Variants in PRDM8 observed in about 807,000 individuals in gnomAD.
The protein encoded by PRDM8 is PR/SET domain 8.
Under a neutral mutation model 46.5 loss-of-function variants are expected in PRDM8, and 13 were observed. The ratio of observed to expected loss-of-function variants is 0.28; its 90% confidence interval spans 0.18 to 0.44. The LOEUF (loss-of-function observed/expected upper bound fraction) is 0.44. Ranked by LOEUF, PRDM8 falls within the 20% of genes least tolerant of loss-of-function variation. PRDM8 has a pLI of 1.00. For missense variants in PRDM8, 998 were observed against 955.0 expected, an observed-to-expected ratio of 1.04 and a Z score of -0.59; for synonymous variants, 473 against 438.4, an observed-to-expected ratio of 1.08 and a Z score of -0.98.
In PRDM8 at chr4:80,201,401, C is replaced by G. The variant is rs751697258; in HGVS notation, c.331C>G (p.Gln111Glu). The G allele has an allele frequency of 3.7e-6, 6 of 1,614,226 alleles. No homozygotes were observed. Among genetic ancestry groups the G allele is most frequent in the South Asian group, 2.2e-5 (2 of 91,086 alleles). ...QNLEAYIKNG[Q>E]LFYRSLRRIA... ...CCTTGAAGCCTACATAAAAAACGGACAGCTGTTCTACCGCTCTCTCCGCAG... is the reference window on the plus strand; with the variant it reads ...CCTTGAAGCCTACATAAAAAACGGAGAGCTGTTCTACCGCTCTCTCCGCAG... The change falls in exon 3 of 4, where the codon CAG becomes GAG. Residue 111 changes from glutamine (Q) to glutamate (E), a missense_variant. By Grantham distance (29) the Gln-to-Glu change is conservative. Transcript: ENST00000415738.
At chr4:80,193,972 A>C (rs1331133951), upstream of PRDM8, 1 of 152,192 alleles carries the variant, frequency 6.6e-6, no homozygotes, top group African/African-American at 2.4e-5. Context: ...ATTCTTGGAG[A>C]TGTTACCTGC....
At chr4:80,200,380 T>C (rs1738350661) in intron 2 of PRDM8, 81 bp downstream of exon 2, 1 of 1,284,716 alleles carries the variant, frequency 7.8e-7, no homozygotes, top group Non-Finnish European at 1.1e-6. Flanking sequence ...TAATGACAAG[T>C]GGAGATAGGT....
upstream of PRDM8, chr4:80,196,550 T>G: frequency 1.0e-6 from 1 of 985,330 alleles, no homozygotes; most frequent in Non-Finnish European, 1.2e-6. Context: ...GGCAACTCCA[T>G]CCCCTCCTCC....
In PRDM8 at chr4:80,202,464, C is replaced by T. The variant is rs1404697265; in HGVS notation, c.1002C>T (p.Gly334=). 1 of 1,400,392 alleles carries T rather than the reference C, an allele frequency of 7.1e-7. No homozygotes were observed. The highest frequency in any genetic ancestry group is 1.2e-5 in the South Asian group (1 of 81,064). 86.7% of individuals were successfully genotyped at this position (1,400,392 alleles called of 1,614,324 possible). Reference sequence around the variant, plus strand: ...GCGCTGGTCTGGTAGGGGGCCGGGGCCGCTTCGTAGAGCGGCCCCTCCCGG... The same window carrying T: ...GCGCTGGTCTGGTAGGGGGCCGGGGTCGCTTCGTAGAGCGGCCCCTCCCGG... ...GGGAGLVGGR[G]RFVERPLPAS... is the part of the protein sequence containing the mutation. The change falls in exon 4 of 4, where the codon GGC becomes GGT. Residue 334 remains glycine, a synonymous_variant. Transcript: ENST00000415738.
chr4:80,203,008 C>T lies in PRDM8; in HGVS notation c.1546C>T (p.Leu516=), dbSNP rs1222435611. 6.5e-6 allele frequency: 10 copies of T among 1,526,792 alleles called. No individual in the cohort carries two copies. Among genetic ancestry groups the T allele is most frequent in the South Asian group, 1.2e-5 (1 of 83,254 alleles). The allele number at this position is 1,526,792 out of a possible 1,614,324, so 94.6% of individuals were successfully genotyped here. ...RSFSQLSPLV[L]GQKLGALEPC... ...TTTCTCGCAGCTGTCCCCGCTGGTG[C>T]TGGGCCAGAAGCTGGGCGCGCTCGA... The change falls in exon 4 of 4, where the codon CTG becomes TTG. Residue 516 remains leucine, a synonymous_variant. Coordinates refer to ENST00000415738, the MANE Select transcript of PRDM8 (RefSeq NM_001099403.2).
At chr4:80,186,430 G>GGAGAGAGAGA (rs70944766) in intron 1 of PRDM8, among the ~76,000 whole-genome samples, 1,316 of 129,964 alleles carry the variant, frequency 0.01, 39 homozygotes, top group Middle Eastern at 0.024. Flanking sequence ...AAGGCAGGGT[G>GGAGAGAGAGA]GAGAGAGAGA....
chr4:80,201,906 C>T lies in PRDM8; in HGVS notation c.452-8C>T. 6.2e-7 allele frequency: 1 copy of T among 1,613,636 alleles called. No individual in the cohort carries two copies. The highest frequency in any genetic ancestry group is 1.1e-5 in the South Asian group (1 of 91,056). On this transcript the variant is annotated splice_polypyrimidine_tract_variant and splice_region_variant and intron_variant, in intron 3 of 3. Coordinates refer to ENST00000415738, the MANE Select transcript of PRDM8 (RefSeq NM_001099403.2). ...CGTGCGTGTGTGTGGTGTTTGCTCA[C>T]TAAGCAGGGTCGTCCCCTTACACAT...
chr4:80,187,104 G>C (rs1363981505), intron 1 of PRDM8, among the ~76,000 whole-genome samples: 1 of 152,136 alleles, frequency 6.6e-6, no homozygotes, highest in Non-Finnish European at 1.5e-5. Context: ...TGTCTCCTTT[G>C]CCCCCAGGGT....
At chr4:80,193,811 T>A (rs1737735136), upstream of PRDM8, among the ~76,000 whole-genome samples, 2 of 152,188 alleles carry the variant, frequency 1.3e-5, no homozygotes, top group South Asian at 4.1e-4. Flanking sequence ...CCTTTCACCA[T>A]GAATTGCCAT....
At chr4:80,189,435 A>C (rs1737376621) in intron 1 of PRDM8, among the ~76,000 whole-genome samples, 1 of 151,494 alleles carries the variant, frequency 6.6e-6, no homozygotes, top group African/African-American at 2.4e-5. Flanking sequence ...TGGGGGTGGG[A>C]GGTGCGCGGT....
Position 80,200,086 on chromosome 4 carries a change from G to A in PRDM8, c.6G>A (p.Glu2=). 1.2e-6 allele frequency: 2 copies of A among 1,612,562 alleles called. No individual in the cohort carries two copies. Among genetic ancestry groups the A allele is most frequent in the Non-Finnish European group, 1.7e-6 (2 of 1,178,830 alleles). ...CTGTGTGTCTATCTCCAGTGATGGA[G>A]GATACTGGCATCCAGCGAGGCATCT... M[E]DTGIQRGIWD... Residue 2 remains glutamate (E), a synonymous_variant, in exon 2 of 4, where the codon GAG becomes GAA. Transcript: ENST00000415738.
chr4:80,201,878 G>A (rs766681984), intron 3 of PRDM8, 36 bp from the exon 4 acceptor site: 3 of 1,581,790 alleles, frequency 1.9e-6, no homozygotes. Flanking sequence ...GTGTGTGTGC[G>A]TGCGTGCGTG....
At chr4:80,196,884 T>C, upstream of PRDM8, 1 of 981,712 alleles carries the variant, frequency 1.0e-6, no homozygotes, top group Non-Finnish European at 1.2e-6. Flanking sequence ...GGTGACATTC[T>C]CACTCCAACC....
intron 1 of PRDM8, among the ~76,000 whole-genome samples, chr4:80,198,759 G>A (rs1250260268): frequency 2.0e-5 from 3 of 152,062 alleles, no homozygotes; most frequent in Non-Finnish European, 4.4e-5. Flanking sequence ...AATAAAAATA[G>A]ATGTCACTGA....
Position 80,202,883 on chromosome 4 carries a change from G to A in PRDM8, c.1421G>A (p.Gly474Asp). The change falls in exon 4 of 4, where the codon GGT becomes GAT. Residue 474 changes from glycine (G) to aspartate (D), a missense_variant. Physicochemically the swap from Gly to Asp is moderately conservative, Grantham distance 94 (BLOSUM62 -1). Coordinates refer to ENST00000415738, the MANE Select transcript of PRDM8 (RefSeq NM_001099403.2). ...CTGGGCAGCGCGGGCAGCACCAGCG[G>A]TGGGGGCGGAACGGGCGCCGGGGCC... ...PQLGSAGSTS[G>D]GGGTGAGAAG... 7.7e-7 allele frequency: 1 copy of A among 1,290,828 alleles called. No homozygotes were observed. The highest frequency in any genetic ancestry group is 9.7e-7 in the Non-Finnish European group (1 of 1,028,204). The allele number at this position is 1,290,828 out of a possible 1,614,324, so 80.0% of individuals were successfully genotyped here.
Position 80,203,047 on chromosome 4 carries a change from G to C in PRDM8, c.1585G>C (p.Ala529Pro), listed in dbSNP as rs1254406151. The C allele has an allele frequency of 6.4e-7, 1 of 1,555,336 alleles. No homozygotes were observed. Among genetic ancestry groups the C allele is most frequent in the East Asian group, 2.4e-5 (1 of 41,140 alleles). ...KLGALEPCHP[A>P]DGVGPTRLYP... The stretch of plus-strand genomic sequence containing the variant: ...GGGCGCGCTCGAGCCATGCCACCCC[G>C]CCGACGGCGTGGGCCCCACCAGACT... The change falls in exon 4 of 4, where the codon GCC (alanine) becomes CCC (proline). Residue 529 changes from alanine to proline, a missense_variant. Coordinates refer to ENST00000415738, the MANE Select transcript of PRDM8 (RefSeq NM_001099403.2).
At chr4:80,186,348 T>A (rs1737073641) in intron 1 of PRDM8, among the ~76,000 whole-genome samples, 1 of 149,334 alleles carries the variant, frequency 6.7e-6, no homozygotes, top group East Asian at 2.0e-4. Context: ...CTCTTTCCAC[T>A]TACCTACTGG....
chr4:80,199,709 A>ATGTGTGTGTGTGTGTGTG (rs34334135), intron 1 of PRDM8, among the ~76,000 whole-genome samples: 99 of 132,994 alleles, frequency 7.4e-4, no homozygotes, highest in African/African-American at 2.8e-3. Context: ...ATATATATAT[A>ATGTGTGTGTGTGTGTGTG]TGTGTGTGTG....
Position 80,202,866 on chromosome 4 carries a change from C to A in PRDM8, c.1404C>A (p.Ser468Arg). 1.6e-6 allele frequency: 2 copies of A among 1,251,512 alleles called. No individual in the cohort carries two copies. The highest frequency in any genetic ancestry group is 1.0e-6 in the Non-Finnish European group (1 of 1,005,006). 77.5% of individuals were successfully genotyped at this position (1,251,512 alleles called of 1,614,324 possible). ...TCACTTCGGTGCCGCAGCTGGGCAG[C>A]GCGGGCAGCACCAGCGGTGGGGGCG... ...SAFTSVPQLG[S>R]AGSTSGGGGT... Residue 468 changes from serine (S) to arginine (R), a missense_variant, in exon 4 of 4, where the codon AGC becomes AGA. Coordinates refer to ENST00000415738, the MANE Select transcript of PRDM8 (RefSeq NM_001099403.2).
Sources: gnomAD v4.1 joint callset for allele counts (sites outside exome capture counted in the v4.1 genomes callset) on GRCh38, gnomAD v4.1.1 for gene constraint, MANE v1.5 for transcripts, NCBI Gene and HGNC (gene_info 2026-07-23, HGNC 2026-07-21) for gene names.